GPR176: variants seen among roughly 807,000 people sequenced by gnomAD.
The protein encoded by GPR176 is G protein-coupled receptor 176, also known as G-protein coupled receptor 176.
Under a neutral mutation model 35.4 loss-of-function variants are expected in GPR176, and 26 were observed. That is an observed-to-expected ratio of 0.74 (90% CI 0.54 to 1.02). The LOEUF (loss-of-function observed/expected upper bound fraction) is 1.02, where lower values mean the gene tolerates loss of function less well. GPR176 is among the 50% of genes least tolerant of loss of function. The pLI is 0.00. For synonymous variants in GPR176, 278 were observed against 271.3 expected (o/e 1.02, Z -0.24); for missense variants, 597 against 665.3 (o/e 0.90, Z 1.13).
chr15:39,836,149 G>A (rs1901387706), intron 1 of GPR176, among the ~76,000 whole-genome samples: 1 of 152,116 alleles, frequency 6.6e-6, no homozygotes, highest in South Asian at 2.1e-4. Context: ...TATTGTTCTG[G>A]AAAGAGTGGA....
At chr15:39,866,450 T>G (rs2031832511) in intron 1 of GPR176, among the ~76,000 whole-genome samples, 1 of 152,156 alleles carries the variant, frequency 6.6e-6, no homozygotes, top group Non-Finnish European at 1.5e-5. Flanking sequence ...GAAAGAATAA[T>G]TTCAAGAAAC....
intron 1 of GPR176, among the ~76,000 whole-genome samples, chr15:39,908,327 G>C (rs964403418): frequency 6.6e-6 from 1 of 152,222 alleles, no homozygotes; most frequent in African/African-American, 2.4e-5. Context: ...TGCAGCTGCT[G>C]TTCTTCTGGG....
intron 1 of GPR176, among the ~76,000 whole-genome samples, chr15:39,826,904 A>G (rs185736790): frequency 8.5e-5 from 13 of 152,270 alleles, no homozygotes; most frequent in African/African-American, 3.1e-4. Flanking sequence ...CAGAATAACA[A>G]TAATAATAAT....
At chr15:39,819,337 T>C (rs1405071217) in intron 1 of GPR176, among the ~76,000 whole-genome samples, 1 of 152,192 alleles carries the variant, frequency 6.6e-6, no homozygotes, top group African/African-American at 2.4e-5. Context: ...TCATGGGTTA[T>C]TTCTCCCCTT....
intron 1 of GPR176, among the ~76,000 whole-genome samples, chr15:39,893,819 C>G (rs2032974166): frequency 6.9e-6 from 1 of 145,082 alleles, no homozygotes; most frequent in African/African-American, 2.6e-5. Context: ...GGCGGCTGGC[C>G]TGGCAGAGGG....
intron 1 of GPR176, among the ~76,000 whole-genome samples, chr15:39,900,907 A>G (rs974028550): frequency 6.6e-6 from 1 of 152,224 alleles, no homozygotes; most frequent in African/African-American, 2.4e-5. Context: ...AGACAATTCT[A>G]TCATGTTTCT....
chr15:39,852,514 G>A (rs2030942419), intron 1 of GPR176, among the ~76,000 whole-genome samples: 2 of 152,292 alleles, frequency 1.3e-5, no homozygotes, highest in South Asian at 2.1e-4. Flanking sequence ...CTTGCAAAGT[G>A]AACTAGTCCA....
intron 1 of GPR176, among the ~76,000 whole-genome samples, chr15:39,877,773 G>A (rs2032308352): frequency 6.6e-6 from 1 of 151,898 alleles, no homozygotes; most frequent in South Asian, 2.1e-4. Flanking sequence ...TATTAGCCAG[G>A]CTGGTCTCAA....
chr15:39,826,030 T>A (rs1201751574), intron 1 of GPR176, among the ~76,000 whole-genome samples: 38 of 152,130 alleles, frequency 2.5e-4, no homozygotes, highest in Non-Finnish European at 5.4e-4. Flanking sequence ...GTCTCTCACA[T>A]CACATTCACT....
At chr15:39,833,818 A>C in intron 1 of GPR176, among the ~76,000 whole-genome samples, 1 of 152,172 alleles carries the variant, frequency 6.6e-6, no homozygotes, top group East Asian at 1.9e-4. Flanking sequence ...CTCCCAATTA[A>C]GTCAAAGAAT....
chr15:39,807,047 G>A lies in GPR176; in HGVS notation c.384C>T (p.Cys128=). 2 of 1,613,616 alleles carry A rather than the reference G, an allele frequency of 1.2e-6. No homozygotes were observed. The highest frequency in any genetic ancestry group is 1.1e-5 in the South Asian group (1 of 91,064). The part of the protein sequence containing the change: ...KVVKFLHKVF[C]SVTILSFPAI... ...CAGGGAAGCTGAGGATGGTCACAGA[G>A]CAGAATACTTTGTGCAAAAATTTGA... Residue 128 remains cysteine, a synonymous_variant, in exon 2 of 3, where the codon TGC becomes TGT. Coordinates refer to ENST00000561100, the MANE Select transcript of GPR176 (RefSeq NM_007223.3).
intron 1 of GPR176, among the ~76,000 whole-genome samples, chr15:39,850,548 G>C (rs1011823549): frequency 6.6e-6 from 1 of 152,174 alleles, no homozygotes; most frequent in East Asian, 1.9e-4. Context: ...TGGTTGCTAG[G>C]GGTTAAGGAG....
rs1024387567 is a variant in GPR176, at chr15:39,829,238, T to G, written c.173-21980A>C. 24 of 1,480,996 alleles carry G rather than the reference T, an allele frequency of 1.6e-5. No homozygotes were observed. In the African/African-American group the frequency reaches 3.0e-4, roughly 18 times the overall value. The allele number at this position is 1,480,996 out of a possible 1,614,324, so 91.7% of individuals were successfully genotyped here. Reference sequence around the variant, plus strand: ...ACACTGAGAACAAAGACCAAAGATGTGTCGCTGGAAAAGCCACTTGGACTC... The same window carrying G: ...ACACTGAGAACAAAGACCAAAGATGGGTCGCTGGAAAAGCCACTTGGACTC... On this transcript the variant is annotated intron_variant, in intron 1 of 2. Transcript: ENST00000561100.
intron 2 of GPR176, among the ~76,000 whole-genome samples, chr15:39,803,877 A>G (rs1167388470): frequency 6.6e-6 from 1 of 152,214 alleles, no homozygotes; most frequent in Non-Finnish European, 1.5e-5. Flanking sequence ...TGCAAACACA[A>G]TAGCGACCAT....
chr15:39,894,864 G>A (rs1403620136), intron 1 of GPR176, among the ~76,000 whole-genome samples: 1 of 152,228 alleles, frequency 6.6e-6, no homozygotes, highest in East Asian at 1.9e-4. Context: ...CGGCACTTTG[G>A]GAGGCCAAGG....
intron 1 of GPR176, among the ~76,000 whole-genome samples, chr15:39,914,576 C>T (rs1042585742): frequency 5.3e-5 from 8 of 152,126 alleles, no homozygotes; most frequent in Non-Finnish European, 1.2e-4. Context: ...TCCCAAAGTG[C>T]TGGGATTACA....
At chr15:39,919,604 C>T (rs1012313549) in intron 1 of GPR176, among the ~76,000 whole-genome samples, 5 of 152,322 alleles carry the variant, frequency 3.3e-5, no homozygotes, top group Non-Finnish European at 5.9e-5. Context: ...AGGGGGACTC[C>T]CGCCTGGATC....
At chr15:39,824,504 A>G (rs1254607834) in intron 1 of GPR176, among the ~76,000 whole-genome samples, 1 of 152,166 alleles carries the variant, frequency 6.6e-6, no homozygotes, top group African/African-American at 2.4e-5. Flanking sequence ...CATACTGATT[A>G]TTTCTTGTTT....
intron 2 of GPR176, among the ~76,000 whole-genome samples, chr15:39,804,708 T>C (rs1313917154): frequency 2.0e-5 from 3 of 151,670 alleles, no homozygotes; most frequent in Non-Finnish European, 4.4e-5. Context: ...AACTAGTAAA[T>C]GGAGAAACAA....
Sources: gnomAD v4.1 joint callset for allele counts (sites outside exome capture counted in the v4.1 genomes callset) on GRCh38, gnomAD v4.1.1 for gene constraint, MANE v1.5 for transcripts, NCBI Gene and HGNC (gene_info 2026-07-23, HGNC 2026-07-21) for gene names.